BEND7: variants seen among roughly 807,000 people sequenced by gnomAD.
The protein encoded by BEND7 is BEN domain containing 7, also known as BEN domain-containing protein 7.
A neutral mutation model predicts 50.9 loss-of-function variants in BEND7; 28 were observed. That is an observed-to-expected ratio of 0.55 (90% CI 0.41 to 0.75). BEND7 has a LOEUF of 0.75. BEND7 is among the 30% of genes least tolerant of loss of function. The pLI, the probability that BEND7 is intolerant of heterozygous loss-of-function variation, is 0.00. For synonymous variants in BEND7, 170 were observed against 183.9 expected, an observed-to-expected ratio of 0.92 and a Z score of 0.61; for missense variants, 477 against 491.3, an observed-to-expected ratio of 0.97 and a Z score of 0.28.
intron 7 of BEND7, among the ~76,000 whole-genome samples, chr10:13,447,976 G>C (rs1011384034): frequency 3.9e-5 from 6 of 152,064 alleles, no homozygotes; most frequent in Non-Finnish European, 8.8e-5. Context: ...AACCACTCCT[G>C]GGGGGCAGCT....
chr10:13,527,031 T>C (rs894870555), intron 1 of BEND7, among the ~76,000 whole-genome samples: 3 of 152,230 alleles, frequency 2.0e-5, no homozygotes, highest in Admixed American at 6.5e-5. Flanking sequence ...CCTAGTCCCC[T>C]TTCTCTGGCC....
intron 4 of BEND7, among the ~76,000 whole-genome samples, chr10:13,495,052 T>G (rs2076935186): frequency 6.6e-6 from 1 of 152,232 alleles, no homozygotes; most frequent in African/African-American, 2.4e-5. Context: ...ACTTAATAGA[T>G]TCTAAAAAGG....
chr10:13,468,491 T>C (rs951916876), intron 6 of BEND7, among the ~76,000 whole-genome samples: 11 of 152,080 alleles, frequency 7.2e-5, no homozygotes, highest in African/African-American at 2.7e-4. Context: ...TACGGAGTCT[T>C]GGAAAAGGCC....
At chr10:13,500,819 C>T (rs1029673453) in intron 2 of BEND7, 1 of 985,376 alleles carries the variant, frequency 1.0e-6, no homozygotes, top group South Asian at 4.7e-5. Flanking sequence ...CTCGAGGTCA[C>T]TGGCGGTACC....
intron 2 of BEND7, among the ~76,000 whole-genome samples, chr10:13,510,085 T>A (rs2078173011): frequency 6.6e-6 from 1 of 151,948 alleles, no homozygotes; most frequent in Non-Finnish European, 1.5e-5. Context: ...AATAATCAAG[T>A]CAAAGAGTTA....
At chr10:13,528,085 G>A (rs574643403) in intron 1 of BEND7, among the ~76,000 whole-genome samples, 2 of 152,058 alleles carry the variant, frequency 1.3e-5, no homozygotes, top group African/African-American at 4.8e-5. Context: ...TTGGCGGGGG[G>A]AAGGGGGAAG....
chr10:13,499,933 C>T lies in BEND7; in HGVS notation c.293G>A (p.Arg98His), dbSNP rs1030565650. The T allele has an allele frequency of 1.1e-5, 17 of 1,614,086 alleles. No individual in the cohort carries two copies. The highest frequency in any genetic ancestry group is 6.6e-5 in the South Asian group (6 of 91,092). The change falls in exon 3 of 9, where the codon CGT (arginine) becomes CAT (histidine). Residue 98 changes from arginine (R) to histidine (H), a missense_variant. By Grantham distance (29) the Arg-to-His change is conservative. Around this residue, in one of 3 missense-constraint regions of BEND7, gnomAD observed 396 missense variants for 384.2 expected, o/e 1.03. Transcript: ENST00000466271. ...PQDLDLVWPP[R>H]LNSSAEAPQS... ...CGGGGCCTCAGCAGAGGAGTTCAAA[C>T]GTGGAGGCCAGACTAAATCCAGGTC...
intron 2 of BEND7, among the ~76,000 whole-genome samples, chr10:13,502,489 A>G (rs145364289): frequency 6.6e-6 from 1 of 152,316 alleles, no homozygotes; most frequent in Non-Finnish European, 1.5e-5. Context: ...TTTTATGAGA[A>G]TGAACGACCA....
At chr10:13,517,570 G>A (rs2078778341) in intron 2 of BEND7, among the ~76,000 whole-genome samples, 1 of 152,124 alleles carries the variant, frequency 6.6e-6, no homozygotes, top group South Asian at 2.1e-4. Flanking sequence ...TGGGGCAACA[G>A]AGGGAGACGC....
intron 7 of BEND7, among the ~76,000 whole-genome samples, chr10:13,450,400 G>A (rs569904375): frequency 3.3e-5 from 5 of 152,104 alleles, no homozygotes; most frequent in East Asian, 1.9e-4. Flanking sequence ...CAGACCTCTC[G>A]GTTCCTATCG....
intron 5 of BEND7, among the ~76,000 whole-genome samples, chr10:13,487,817 G>A (rs1190665266): frequency 1.3e-5 from 2 of 152,058 alleles, no homozygotes; most frequent in Non-Finnish European, 2.9e-5. Context: ...TCAAGGCCGG[G>A]CATGGTGGCT....
At chr10:13,451,490 C>T (rs1837695024) in intron 7 of BEND7, among the ~76,000 whole-genome samples, 1 of 152,008 alleles carries the variant, frequency 6.6e-6, no homozygotes, top group African/African-American at 2.4e-5. Flanking sequence ...CCTCCTGCCT[C>T]AGCCTCCCAA....
chr10:13,515,633 C>G (rs1240966199), intron 2 of BEND7, among the ~76,000 whole-genome samples: 1 of 152,202 alleles, frequency 6.6e-6, no homozygotes, highest in Non-Finnish European at 1.5e-5. Flanking sequence ...ACCTGACCCC[C>G]AGTGGAATGT....
At chr10:13,501,577 T>C (rs2077468402) in intron 2 of BEND7, among the ~76,000 whole-genome samples, 1 of 152,030 alleles carries the variant, frequency 6.6e-6, no homozygotes, top group Non-Finnish European at 1.5e-5. Context: ...TTGGGCATGG[T>C]GGCTCACACG....
chr10:13,484,280 C>T (rs1172432663), intron 5 of BEND7, among the ~76,000 whole-genome samples: 1 of 152,098 alleles, frequency 6.6e-6, no homozygotes, highest in Non-Finnish European at 1.5e-5. Context: ...GGCAACAACG[C>T]CTTAAAAGAA....
intron 6 of BEND7, among the ~76,000 whole-genome samples, chr10:13,476,344 G>A (rs1171597508): frequency 3.3e-5 from 5 of 152,286 alleles, no homozygotes; most frequent in Non-Finnish European, 4.4e-5. Flanking sequence ...ACCTGTGGCT[G>A]TCCAGACAGA....
chr10:13,489,540 G>C (rs921920043), intron 5 of BEND7, among the ~76,000 whole-genome samples: 1 of 152,112 alleles, frequency 6.6e-6, no homozygotes, highest in Non-Finnish European at 1.5e-5. Context: ...CTCAAAGATG[G>C]CGCATGAATA....
intron 5 of BEND7, among the ~76,000 whole-genome samples, chr10:13,488,870 A>G (rs2076448338): frequency 6.6e-6 from 1 of 152,186 alleles, no homozygotes; most frequent in South Asian, 2.1e-4. Context: ...TTAATGTGCT[A>G]CTTTTAAAAG....
At position 13,480,329 on chromosome 10, in the gene BEND7, C is replaced by T. The variant is rs2075767885; in HGVS notation, c.1063+570G>A. ...AAAGGAGGGAAGGGGGAGAGACCCA[C>T]GGTGGTCTCTGCATGGAGCTGGCAT... On this transcript the variant is annotated intron_variant, in intron 6 of 8. Transcript: ENST00000466271. 3.3e-5 allele frequency among the ~76,000 whole-genome samples: 5 copies of T among 152,206 alleles called. No individual in the cohort carries two copies. The South Asian group carries it at 6.2e-4, about 19-fold the overall frequency.
Sources: gnomAD v4.1 joint callset for allele counts (sites outside exome capture counted in the v4.1 genomes callset) on GRCh38, gnomAD v4.1.1 for gene constraint, gnomAD v4.1.1 regional missense constraint, MANE v1.5 for transcripts, NCBI Gene and HGNC (gene_info 2026-07-23, HGNC 2026-07-21) for gene names.